The following CNTFR variants were observed in gnomAD, a reference collection of about 807,000 sequenced individuals.
CNTFR encodes ciliary neurotrophic factor receptor subunit alpha.
CNTFR carries 12 observed loss-of-function variants against 40.4 expected under a neutral mutation model. That is an observed-to-expected ratio of 0.30 (90% confidence interval 0.19 to 0.48). The LOEUF is 0.48. Among genes scored for constraint, CNTFR ranks in the 20% least tolerant of loss-of-function variants. The pLI is 0.99. For missense variants in CNTFR, 414 were observed against 506.8 expected, an observed-to-expected ratio of 0.82 and a Z score of 1.76; for synonymous variants, 202 against 209.6, an observed-to-expected ratio of 0.96 and a Z score of 0.31.
At position 34,557,921 on chromosome 9, in the gene CNTFR, C is replaced by G; in HGVS notation, c.383G>C (p.Ser128Thr). Residue 128 changes from serine (S) to threonine (T), a missense_variant, in exon 5 of 10, where the codon AGC becomes ACC. Coordinates refer to ENST00000378980, the MANE Select transcript of CNTFR (RefSeq NM_147164.3). The surrounding 1 kb of genome is among the most constrained non-coding windows in gnomAD (Gnocchi z 4.2). ...SNTYPKGFYC[S>T]WHLPTPTYIP... ...GTAGGTGGGGGTGGGCAGATGCCAG[C>G]TGCAGTAGAAGCCCTTGGGGTAAGT... 1 of 1,574,920 alleles carries G rather than the reference C, an allele frequency of 6.3e-7. No homozygotes were observed.
intron 2 of CNTFR, among the ~76,000 whole-genome samples, chr9:34,577,938 T>G (rs1158901613): frequency 7.7e-6 from 1 of 130,342 alleles, no homozygotes; most frequent in Non-Finnish European, 1.7e-5. Context: ...CTGGGCGGGC[T>G]GGCGGGCGGG....
Position 34,557,742 on chromosome 9 carries a change from G to C in CNTFR, c.438-50C>G, listed in dbSNP as rs909495208. ...CTGTTACGAACATCAAGGGTCAGGT[G>C]GGGCAGAGGTTGAGGAAAGGTCAAG... On this transcript the variant is annotated intron_variant, in intron 5 of 9. Coordinates refer to ENST00000378980, the MANE Select transcript of CNTFR (RefSeq NM_147164.3). The surrounding 1 kb of genome is among the most constrained non-coding windows in gnomAD (Gnocchi z 4.2). 12 of 1,608,696 alleles carry C rather than the reference G, an allele frequency of 7.5e-6. No homozygotes were observed. The African/African-American group carries it at 1.5e-4, about 20-fold the overall frequency.
intron 2 of CNTFR, among the ~76,000 whole-genome samples, chr9:34,575,804 G>C (rs1826930818): frequency 6.6e-6 from 1 of 152,054 alleles, no homozygotes; most frequent in African/African-American, 2.4e-5. Flanking sequence ...GGGGGGAAAA[G>C]AAGCTTCAAA....
chr9:34,560,891 G>T (rs1415880255), intron 4 of CNTFR, among the ~76,000 whole-genome samples: 1 of 152,204 alleles, frequency 6.6e-6, no homozygotes, highest in Non-Finnish European at 1.5e-5. Context: ...TCCATGTCCA[G>T]CCCACCAAAC....
intron 2 of CNTFR, chr9:34,569,419 ATAACT>A (rs746633184): frequency 5.9e-6 from 1 of 170,912 alleles, no homozygotes; most frequent in Non-Finnish European, 1.3e-5. Flanking sequence ...AAAAAAAAAA[ATAACT>A]TTACTGGTGA....
chr9:34,578,742 C>T (rs529963582), intron 2 of CNTFR, among the ~76,000 whole-genome samples: 22 of 152,366 alleles, frequency 1.4e-4, no homozygotes, highest in Admixed American at 5.2e-4. Context: ...GCCAGCCTTC[C>T]AAGTTGCCTT....
At chr9:34,586,762 G>GTTA (rs1358643990) in intron 1 of CNTFR, among the ~76,000 whole-genome samples, 1 of 152,170 alleles carries the variant, frequency 6.6e-6, no homozygotes, top group East Asian at 1.9e-4. Flanking sequence ...ATCTGACTGG[G>GTTA]TTAGCCTTTA....
chr9:34,567,202 A>C (rs3802428), intron 3 of CNTFR, among the ~76,000 whole-genome samples: 144,676 of 152,070 alleles, frequency 0.95, 68,905 homozygotes, highest in East Asian at 0.99. Context: ...TTGGCCCTGA[A>C]GCGGTGACAA....
At chr9:34,583,807 GC>G (rs1347695767) in intron 1 of CNTFR, among the ~76,000 whole-genome samples, 1 of 152,080 alleles carries the variant, frequency 6.6e-6, no homozygotes, top group Non-Finnish European at 1.5e-5. Flanking sequence ...CCGGGCCTGG[GC>G]CAGGGCCCAG....
chr9:34,590,797 G>T (rs1226177528), upstream of CNTFR, among the ~76,000 whole-genome samples: 1 of 152,238 alleles, frequency 6.6e-6, no homozygotes, highest in African/African-American at 2.4e-5. Context: ...CAACATAGGA[G>T]AGTAAGGTTG....
chr9:34,583,167 G>A (rs559644441), intron 1 of CNTFR, among the ~76,000 whole-genome samples: 3 of 152,290 alleles, frequency 2.0e-5, no homozygotes, highest in South Asian at 2.1e-4. Flanking sequence ...CTGTCCTCTA[G>A]GAGGCTGAGA....
chr9:34,586,053 G>A (rs562880824), intron 1 of CNTFR, among the ~76,000 whole-genome samples: 2 of 152,294 alleles, frequency 1.3e-5, no homozygotes, highest in East Asian at 1.9e-4. Context: ...GGGAGGGACC[G>A]CAGGGCCATG....
At chr9:34,567,562 CAAG>C (rs756628452) in intron 3 of CNTFR, among the ~76,000 whole-genome samples, 8 of 152,076 alleles carry the variant, frequency 5.3e-5, no homozygotes, top group Non-Finnish European at 7.4e-5. Flanking sequence ...TGTACACGTA[CAAG>C]AAGGGCACCA....
At chr9:34,585,565 T>C (rs1827502703) in intron 1 of CNTFR, among the ~76,000 whole-genome samples, 1 of 152,176 alleles carries the variant, frequency 6.6e-6, no homozygotes, top group South Asian at 2.1e-4. Flanking sequence ...AGTGCCTAGC[T>C]CTGGTGACCC....
chr9:34,590,556 C>T (rs1433737793), upstream of CNTFR, among the ~76,000 whole-genome samples: 1 of 152,260 alleles, frequency 6.6e-6, no homozygotes, highest in Admixed American at 6.5e-5. Flanking sequence ...AGCCCAGGCC[C>T]ATGCCTCCAG....
At position 34,576,795 on chromosome 9, in the gene CNTFR, T is replaced by C. The variant is rs114819397; in HGVS notation, c.-1+4300A>G. On this transcript the variant is annotated intron_variant, in intron 2 of 9. Coordinates refer to ENST00000378980, the MANE Select transcript of CNTFR (RefSeq NM_147164.3). ...CCCAGGCCCTTGCTGCCTTCCCTCA[T>C]CACCCTCTCTTCCCCACGATGCGGA... Among the ~76,000 whole-genome samples the C allele has an allele frequency of 1.6e-3, 245 of 152,286 alleles. 1 individual carries two copies. The highest frequency in any genetic ancestry group is 5.5e-3 in the African/African-American group (229 of 41,558).
intron 7 of CNTFR, among the ~76,000 whole-genome samples, chr9:34,555,501 C>T (rs1012232170): frequency 6.6e-6 from 1 of 152,104 alleles, no homozygotes; most frequent in African/African-American, 2.4e-5. Flanking sequence ...CAAGAGAACC[C>T]GAAGTCTGCC....
intron 1 of CNTFR, among the ~76,000 whole-genome samples, chr9:34,588,196 T>C (rs1209656251): frequency 1.3e-5 from 2 of 152,182 alleles, no homozygotes; most frequent in African/African-American, 4.8e-5. Flanking sequence ...AGAGGATTTG[T>C]GTGGGTTGTG....
intron 3 of CNTFR, among the ~76,000 whole-genome samples, chr9:34,567,745 A>G (rs1255441557): frequency 6.6e-6 from 1 of 152,232 alleles, no homozygotes; most frequent in Non-Finnish European, 1.5e-5. Flanking sequence ...AGACAATGTC[A>G]CACGTGAGGA....
Sources: allele counts gnomAD v4.1 joint callset (sites outside exome capture counted in the v4.1 genomes callset), GRCh38; gene constraint gnomAD v4.1.1; non-coding constraint Gnocchi (gnomAD v3.1); transcripts MANE v1.5; gene names NCBI Gene and HGNC (gene_info 2026-07-23, HGNC 2026-07-21).